DPP6: variants seen among roughly 807,000 people sequenced by gnomAD.
DPP6 encodes the protein A-type potassium channel modulatory protein DPP6.
A neutral mutation model predicts 122.6 loss-of-function variants in DPP6; 69 were observed. That is an observed-to-expected ratio of 0.56 (90% CI 0.46 to 0.69). The LOEUF is 0.69. DPP6 is among the 30% of genes least tolerant of loss of function. The pLI is 0.00. For synonymous variants in DPP6, 418 were observed against 433.1 expected (o/e 0.97, Z 0.43); for missense variants, 928 against 1,116.9 (o/e 0.83, Z 2.41).
chr7:154,352,467 A>G (rs1810945414), intron 1 of DPP6, among the ~76,000 whole-genome samples: 1 of 152,156 alleles, frequency 6.6e-6, no homozygotes, highest in Non-Finnish European at 1.5e-5. Context: ...TGTCTCAAAA[A>G]AAATAAAAAT....
intron 1 of DPP6, among the ~76,000 whole-genome samples, chr7:153,933,683 TC>T (rs1801284490): frequency 1.1e-3 from 1 of 898 alleles, no homozygotes; most frequent in Non-Finnish European, 2.0e-3. Context: ...ATTGCCACAT[TC>T]TCTCTCTCTC....
intron 1 of DPP6, among the ~76,000 whole-genome samples, chr7:154,105,510 A>C (rs1184280964): frequency 1.3e-5 from 2 of 152,188 alleles, no homozygotes; most frequent in African/African-American, 4.8e-5. Flanking sequence ...TTGAACTCAC[A>C]GTTTTAGAAA....
At chr7:153,868,221 G>T in the DPP6 span, among the ~76,000 whole-genome samples, 1 of 152,094 alleles carries the variant, frequency 6.6e-6, no homozygotes, top group Non-Finnish European at 1.5e-5. Context: ...GTTTCAGAAG[G>T]AATGGTACCA....
At chr7:154,442,566 G>T (rs959619625) in intron 1 of DPP6, among the ~76,000 whole-genome samples, 1 of 152,164 alleles carries the variant, frequency 6.6e-6, no homozygotes, top group African/African-American at 2.4e-5. Flanking sequence ...GGAATGACTT[G>T]CTCCAGGAAC....
chr7:154,395,492 G>A (rs982963370), intron 1 of DPP6, among the ~76,000 whole-genome samples: 1 of 152,088 alleles, frequency 6.6e-6, no homozygotes, highest in African/African-American at 2.4e-5. Context: ...TAATTCCTAA[G>A]TATTTTATTC....
At chr7:153,810,893 T>C in the DPP6 span, among the ~76,000 whole-genome samples, 1 of 151,762 alleles carries the variant, frequency 6.6e-6, no homozygotes, top group Non-Finnish European at 1.5e-5. Context: ...TCACACCATA[T>C]AAATGTGTCT....
At chr7:154,061,905 C>G (rs1801999333) in intron 1 of DPP6, among the ~76,000 whole-genome samples, 2 of 123,460 alleles carry the variant, frequency 1.6e-5, no homozygotes, top group Non-Finnish European at 3.6e-5. Context: ...AATCCCTCTT[C>G]CCCCCCTGGC....
Position 154,199,602 on chromosome 7 carries a change from C to T in DPP6, c.243+146539C>T, listed in dbSNP as rs186225144. Among the ~76,000 whole-genome samples, 260 of 152,026 alleles carry T rather than the reference C, an allele frequency of 1.7e-3. 1 individual carries two copies. The highest frequency in any genetic ancestry group is 6.0e-3 in the African/African-American group (247 of 41,450). ...AACCTCATGGCATCTATACTCTCAGCCACTTTTTTTTTTTTCTTTTTTTTT... is the reference window on the plus strand; with the variant it reads ...AACCTCATGGCATCTATACTCTCAGTCACTTTTTTTTTTTTCTTTTTTTTT... On this transcript the variant is annotated intron_variant, in intron 1 of 25. Coordinates refer to ENST00000377770, the MANE Select transcript of DPP6 (RefSeq NM_130797.4).
At chr7:153,911,031 G>A (rs902002002) in intron 1 of DPP6, among the ~76,000 whole-genome samples, 3 of 152,110 alleles carry the variant, frequency 2.0e-5, no homozygotes, top group Non-Finnish European at 2.9e-5. Context: ...TTTTAGACAC[G>A]GGTCAGATTA....
chr7:153,777,925 CAAATG>C, the DPP6 span, among the ~76,000 whole-genome samples: 2 of 147,048 alleles, frequency 1.4e-5, no homozygotes, highest in Admixed American at 6.6e-5. Context: ...TTGGGGAACT[CAAATG>C]GAATACGAAT....
At chr7:154,515,122 T>C (rs1826383792) in intron 3 of DPP6, among the ~76,000 whole-genome samples, 4 of 152,228 alleles carry the variant, frequency 2.6e-5, no homozygotes, top group Admixed American at 2.6e-4. Context: ...CTCTCTTCAA[T>C]GGAAATAGAG....
At chr7:154,540,948 T>C (rs770573095) in intron 4 of DPP6, among the ~76,000 whole-genome samples, 32 of 152,204 alleles carry the variant, frequency 2.1e-4, no homozygotes, top group Non-Finnish European at 4.6e-4. Flanking sequence ...TGTAGAATAC[T>C]TCAGGAGAAT....
rs534234397 is a variant in DPP6, at chr7:154,663,160, A to G, written c.681-6200A>G. Among the ~76,000 whole-genome samples, 7 of 75,672 alleles carry G rather than the reference A, an allele frequency of 9.3e-5. 2 individuals are homozygous for G. Among genetic ancestry groups the G allele is most frequent in the African/African-American group, 2.1e-4 (6 of 28,466 alleles). 49.6% of individuals were successfully genotyped at this position (75,672 alleles called of 152,430 possible). ...GTTCACGCAGTCATGGTGAATCACC[A>G]TGGCGTATTGGCGGTAGTGTTCATA... On this transcript the variant is annotated intron_variant, in intron 6 of 25. Transcript: ENST00000377770.
chr7:153,969,016 G>T (rs1795890708), intron 1 of DPP6, among the ~76,000 whole-genome samples: 1 of 151,148 alleles, frequency 6.6e-6, no homozygotes, highest in East Asian at 1.9e-4. Flanking sequence ...GTGGACATTG[G>T]GGTTCTTTCC....
At chr7:154,600,486 G>T (rs1015630134) in intron 5 of DPP6, among the ~76,000 whole-genome samples, 1 of 120,670 alleles carries the variant, frequency 8.3e-6, no homozygotes, top group African/African-American at 2.6e-5. Context: ...ATAATAAGTA[G>T]CACTTTTGGG....
At chr7:154,005,401 A>G (rs1437594147) in intron 1 of DPP6, among the ~76,000 whole-genome samples, 5 of 152,054 alleles carry the variant, frequency 3.3e-5, no homozygotes, top group African/African-American at 1.2e-4. Flanking sequence ...AGAAAGGTCG[A>G]ACGCTTGGTG....
chr7:154,874,157 G>A (rs556879043), intron 19 of DPP6, among the ~76,000 whole-genome samples: 11 of 151,988 alleles, frequency 7.2e-5, no homozygotes, highest in South Asian at 2.1e-4. Context: ...CACCACACAC[G>A]TTTCCTGCCT....
intron 7 of DPP6, among the ~76,000 whole-genome samples, chr7:154,708,626 G>A (rs1840967914): frequency 6.6e-6 from 1 of 152,030 alleles, no homozygotes; most frequent in Non-Finnish European, 1.5e-5. Flanking sequence ...GAAAATTTTT[G>A]TGCCAAGATG....
At chr7:154,195,189 T>A (rs1366972012) in intron 1 of DPP6, among the ~76,000 whole-genome samples, 1 of 152,234 alleles carries the variant, frequency 6.6e-6, no homozygotes, top group Non-Finnish European at 1.5e-5. Context: ...TTTTTCTGCA[T>A]ATGGCTATCT....
Sources: allele counts gnomAD v4.1 joint callset (sites outside exome capture counted in the v4.1 genomes callset), GRCh38; gene constraint gnomAD v4.1.1; transcripts MANE v1.5; gene names NCBI Gene and HGNC (gene_info 2026-07-23, HGNC 2026-07-21).